The following CFAP61 variants were observed in gnomAD, a reference collection of about 807,000 sequenced individuals.
CFAP61 encodes cilia and flagella associated protein 61, also known as cilia- and flagella-associated protein 61.
In CFAP61, 107 loss-of-function variants were observed where a neutral mutation model predicts 135.6. That is an observed-to-expected ratio of 0.79 (90% CI 0.67 to 0.93). The LOEUF is 0.93. CFAP61 is among the 40% of genes least tolerant of loss of function. The pLI is 0.00. For synonymous variants in CFAP61, 575 were observed against 578.5 expected (o/e 0.99, Z 0.09); for missense variants, 1,507 against 1,556.2 (o/e 0.97, Z 0.53).
chr20:20,194,451 A>C (rs890976828), intron 15 of CFAP61, among the ~76,000 whole-genome samples: 1 of 152,122 alleles, frequency 6.6e-6, no homozygotes, highest in African/African-American at 2.4e-5. Flanking sequence ...GATCTCTCTG[A>C]GTATACTCTG....
At chr20:20,355,930 A>T (rs1414961714) in intron 26 of CFAP61, among the ~76,000 whole-genome samples, 2 of 134,912 alleles carry the variant, frequency 1.5e-5, no homozygotes, top group Non-Finnish European at 3.1e-5. Context: ...GGAGGTAGTG[A>T]CACTGTGAGC....
At chr20:20,309,642 G>GACCATTCTT (rs1257807025) in intron 25 of CFAP61, among the ~76,000 whole-genome samples, 1 of 152,226 alleles carries the variant, frequency 6.6e-6, no homozygotes, top group East Asian at 1.9e-4. Flanking sequence ...ATCATGCAAT[G>GACCATTCTT]ACCATTCTTT....
chr20:20,105,455 G>A (rs1021292260), intron 8 of CFAP61, among the ~76,000 whole-genome samples: 10 of 152,148 alleles, frequency 6.6e-5, no homozygotes, highest in African/African-American at 2.2e-4. Context: ...GAGCATCTCA[G>A]TTCTCCCTCC....
chr20:20,118,302 T>TTTG (rs1951401752), intron 8 of CFAP61, among the ~76,000 whole-genome samples: 1 of 122,488 alleles, frequency 8.2e-6, no homozygotes, highest in African/African-American at 3.2e-5. Context: ...TCTTTCTTTC[T>TTTG]TTCTTTTCTT....
rs147575854 is a variant in CFAP61, at chr20:20,170,055, T to C, written c.1385+595T>C. On this transcript the variant is annotated intron_variant, in intron 13 of 26. Transcript: ENST00000245957. The stretch of plus-strand genomic sequence containing the variant: ...ATGGTCCCTGCCTTTTCAAGGCTTA[T>C]GGACACACAGAGTGTAAAACTGCAA... Among the ~76,000 whole-genome samples, 39 of 152,338 alleles carry C rather than the reference T, an allele frequency of 2.6e-4. 2 individuals carry two copies. The East Asian group carries it at 7.5e-3, about 29-fold the overall frequency.
chr20:20,269,449 G>A (rs2053164460), intron 21 of CFAP61, among the ~76,000 whole-genome samples: 1 of 151,824 alleles, frequency 6.6e-6, no homozygotes, highest in Non-Finnish European at 1.5e-5. Context: ...TAGGCTCACT[G>A]CAACCTCTGC....
intron 7 of CFAP61, among the ~76,000 whole-genome samples, chr20:20,096,379 C>T (rs959078638): frequency 2.6e-5 from 4 of 152,308 alleles, no homozygotes; most frequent in Non-Finnish European, 4.4e-5. Flanking sequence ...AATTGGAGAA[C>T]GTTAAATCTT....
intron 17 of CFAP61, among the ~76,000 whole-genome samples, chr20:20,219,118 C>T (rs755680222): frequency 6.6e-6 from 1 of 152,158 alleles, no homozygotes; most frequent in Non-Finnish European, 1.5e-5. Context: ...ATCGAAATGA[C>T]CAATCCACTA....
intron 21 of CFAP61, chr20:20,265,757 C>A: frequency 2.3e-6 from 1 of 432,558 alleles, no homozygotes; most frequent in South Asian, 3.6e-5. Flanking sequence ...TCATTTAACT[C>A]TGTGTAGAGG....
intron 26 of CFAP61, among the ~76,000 whole-genome samples, chr20:20,344,400 G>A (rs530272768): frequency 2.2e-4 from 33 of 152,214 alleles, no homozygotes; most frequent in African/African-American, 7.9e-4. Context: ...CTGGTATTAG[G>A]AAAATAAAAT....
At chr20:20,132,788 C>G (rs1360277031) in intron 8 of CFAP61, among the ~76,000 whole-genome samples, 3 of 151,848 alleles carry the variant, frequency 2.0e-5, no homozygotes, top group Non-Finnish European at 2.9e-5. Context: ...TCTACTTTTT[C>G]TGATTTTAAT....
At chr20:20,268,864 A>C (rs2053029401) in intron 21 of CFAP61, among the ~76,000 whole-genome samples, 1 of 152,138 alleles carries the variant, frequency 6.6e-6, no homozygotes, top group Non-Finnish European at 1.5e-5. Flanking sequence ...TTAATGGCTC[A>C]AAATGGATCA....
At chr20:20,069,471 G>A (rs567237319) in intron 2 of CFAP61, among the ~76,000 whole-genome samples, 8 of 152,216 alleles carry the variant, frequency 5.3e-5, no homozygotes, top group Admixed American at 4.6e-4. Flanking sequence ...GTCAAGATGG[G>A]TTTTCACCAT....
At chr20:20,207,338 G>C (rs1732963774) in intron 17 of CFAP61, among the ~76,000 whole-genome samples, 1 of 152,194 alleles carries the variant, frequency 6.6e-6, no homozygotes, top group Admixed American at 6.5e-5. Context: ...AAAATTCTAA[G>C]GATTTCCTGG....
intron 8 of CFAP61, among the ~76,000 whole-genome samples, chr20:20,106,105 T>C (rs1224703389): frequency 6.9e-6 from 1 of 144,344 alleles, no homozygotes; most frequent in Non-Finnish European, 1.5e-5. Flanking sequence ...CAAGAGATGT[T>C]GATAAAACAA....
chr20:20,155,983 A>T (rs1258412151), intron 9 of CFAP61, among the ~76,000 whole-genome samples: 4 of 152,214 alleles, frequency 2.6e-5, no homozygotes, highest in Admixed American at 2.6e-4. Context: ...TGTTTATAAC[A>T]GCACAATTTG....
intron 13 of CFAP61, among the ~76,000 whole-genome samples, chr20:20,175,234 T>G (rs1411371319): frequency 2.0e-5 from 3 of 152,246 alleles, no homozygotes; most frequent in African/African-American, 4.8e-5. Context: ...TTCTTGCTCC[T>G]TAGCACCTGG....
intron 20 of CFAP61, 124 bp downstream of exon 20, chr20:20,251,887 C>T: frequency 1.9e-6 from 2 of 1,039,998 alleles, no homozygotes; most frequent in African/African-American, 1.6e-5. Flanking sequence ...AGCTGCTGCT[C>T]TAAATTCATA....
chr20:20,165,979 A>G (rs537267236), intron 11 of CFAP61, among the ~76,000 whole-genome samples: 32 of 152,346 alleles, frequency 2.1e-4, no homozygotes, highest in African/African-American at 7.2e-4. Flanking sequence ...TGAAACAGGA[A>G]TTTGATGACC....
Sources: allele counts gnomAD v4.1 joint callset (sites outside exome capture counted in the v4.1 genomes callset), GRCh38; gene constraint gnomAD v4.1.1; transcripts MANE v1.5; gene names NCBI Gene and HGNC (gene_info 2026-07-23, HGNC 2026-07-21).